Variants in PALM2AKAP2 observed in about 807,000 individuals in gnomAD.
The protein encoded by PALM2AKAP2 is PALM2 and AKAP2 fusion.
Under a neutral mutation model 71.5 loss-of-function variants are expected in PALM2AKAP2, and 37 were observed. That is an observed-to-expected ratio of 0.52 (90% CI 0.40 to 0.68). The LOEUF (loss-of-function observed/expected upper bound fraction) is 0.68. Among genes scored for constraint, PALM2AKAP2 ranks in the 30% least tolerant of loss-of-function variants. The pLI, the probability that PALM2AKAP2 is intolerant of heterozygous loss-of-function variation, is 0.00. For missense variants in PALM2AKAP2, 1,224 were observed against 1,191.8 expected, an observed-to-expected ratio of 1.03 and a Z score of -0.40; for synonymous variants, 468 against 478.8, an observed-to-expected ratio of 0.98 and a Z score of 0.29.
intron 3 of PALM2AKAP2, among the ~76,000 whole-genome samples, chr9:110,165,284 T>TCA (rs58758256): frequency 0.078 from 11,072 of 142,114 alleles, 378 homozygotes; most frequent in African/African-American, 0.1. Flanking sequence ...TGCTAGAGAT[T>TCA]CACACACACA....
chr9:109,860,372 G>A (rs899615364), intron 1 of PALM2AKAP2, among the ~76,000 whole-genome samples: 1 of 152,020 alleles, frequency 6.6e-6, no homozygotes, highest in African/African-American at 2.4e-5. Context: ...AGCTTGTTGG[G>A]TCCCCACTTG....
At chr9:110,107,493 C>G (rs1247906175) in intron 1 of PALM2AKAP2, among the ~76,000 whole-genome samples, 1 of 152,132 alleles carries the variant, frequency 6.6e-6, no homozygotes, top group Admixed American at 6.5e-5. Context: ...GTATCTTTTA[C>G]TTTCTTTAAG....
Position 109,878,821 on chromosome 9 carries a change from T to C in PALM2AKAP2, c.127-1730T>C, listed in dbSNP as rs1021144931. 1.8e-4 allele frequency among the ~76,000 whole-genome samples: 27 copies of C among 152,358 alleles called. 1 individual carries two copies. The highest frequency in any genetic ancestry group is 1.4e-3 in the Admixed American group (21 of 15,308). ...GGCATGATCTCAGCCCACTGCAACC[T>C]CTGCCCCCCAGGTTCTAGTGATTCT... On this transcript the variant is annotated intron_variant, in intron 2 of 9. Transcript: ENST00000302798.
chr9:110,108,402 C>T (rs566589298), intron 1 of PALM2AKAP2, among the ~76,000 whole-genome samples: 36 of 152,236 alleles, frequency 2.4e-4, no homozygotes, highest in Non-Finnish European at 4.9e-4. Flanking sequence ...CGTGAGCCAC[C>T]CCGCCTGGCT....
chr9:109,957,899 C>T (rs73539461), intron 6 of PALM2AKAP2, among the ~76,000 whole-genome samples: 2 of 152,116 alleles, frequency 1.3e-5, no homozygotes, highest in African/African-American at 2.4e-5. Flanking sequence ...GCAGTGAGTC[C>T]GGGCTATGAT....
chr9:109,862,998 G>A (rs565832476), intron 1 of PALM2AKAP2: 2 of 485,040 alleles, frequency 4.1e-6, no homozygotes, highest in South Asian at 1.5e-5. Flanking sequence ...GGCTATGCTA[G>A]GGAACCTGCT....
At chr9:110,049,816 C>G in intron 1 of PALM2AKAP2, among the ~76,000 whole-genome samples, 1 of 152,180 alleles carries the variant, frequency 6.6e-6, no homozygotes, top group East Asian at 1.9e-4. Context: ...GGAGCTGTGG[C>G]GCTGGTGGCC....
At chr9:109,784,778 A>G (rs1047031100) in intron 1 of PALM2AKAP2, among the ~76,000 whole-genome samples, 2 of 152,242 alleles carry the variant, frequency 1.3e-5, no homozygotes, top group African/African-American at 4.8e-5. Context: ...GCCACCCAAG[A>G]TGGCGGCAGC....
chr9:109,851,605 C>T (rs1209293202), intron 1 of PALM2AKAP2, among the ~76,000 whole-genome samples: 1 of 152,128 alleles, frequency 6.6e-6, no homozygotes, highest in Non-Finnish European at 1.5e-5. Context: ...GACTGCTCCC[C>T]ACTTTTGATG....
chr9:110,082,830 C>T (rs990449780), intron 1 of PALM2AKAP2, among the ~76,000 whole-genome samples: 4 of 152,156 alleles, frequency 2.6e-5, no homozygotes, highest in Non-Finnish European at 4.4e-5. Flanking sequence ...CAAACTGAAA[C>T]TCTGTACCCA....
At position 109,856,032 on chromosome 9, in the gene PALM2AKAP2, G is replaced by T. The variant is rs564117188; in HGVS notation, c.46-11459G>T. 3.3e-5 allele frequency among the ~76,000 whole-genome samples: 5 copies of T among 152,248 alleles called. No individual in the cohort carries two copies. The East Asian group carries it at 7.7e-4, about 24-fold the overall frequency. The stretch of plus-strand genomic sequence containing the variant: ...TGGGCCCTAAAGATATAGCTAACAA[G>T]AGGAAAAACTGTCAAAACTCTTATT... On this transcript the variant is annotated intron_variant, in intron 1 of 9. Coordinates refer to the PALM2AKAP2 transcript ENST00000302798.
chr9:109,863,578 G>A (rs953136631), intron 1 of PALM2AKAP2, among the ~76,000 whole-genome samples: 1 of 152,122 alleles, frequency 6.6e-6, no homozygotes, highest in Non-Finnish European at 1.5e-5. Flanking sequence ...AGAGTTACTG[G>A]TTTTGTCCTG....
At chr9:109,693,274 A>G (rs943938504) in intron 1 of PALM2AKAP2, among the ~76,000 whole-genome samples, 2 of 151,206 alleles carry the variant, frequency 1.3e-5, no homozygotes, top group African/African-American at 2.4e-5. Context: ...TTTTCTTGCA[A>G]TTCTCTCATT....
rs542180700 is a variant in PALM2AKAP2, at chr9:110,058,210, T to C, written c.156+9355T>C. Among the ~76,000 whole-genome samples the C allele has an allele frequency of 2.2e-4, 33 of 152,152 alleles. No homozygotes were observed. In the South Asian group the frequency reaches 6.7e-3, roughly 31 times the overall value. On this transcript the variant is annotated intron_variant, in intron 1 of 3. Coordinates refer to ENST00000374525, the Ensembl canonical transcript of PALM2AKAP2. ...CTCTAGGAAGTAGATCTTAAAGGAG[T>C]TGATACAAATTGCAGTGTGCTATGC... is the stretch of plus-strand genomic sequence containing the variant.
intron 3 of PALM2AKAP2, among the ~76,000 whole-genome samples, chr9:109,917,458 A>G (rs79423250): frequency 0.01 from 1,509 of 149,816 alleles, 32 homozygotes; most frequent in African/African-American, 0.035. Context: ...GGAAAGGCAA[A>G]TGTCACTTAA....
chr9:110,017,838 C>T (rs745851662), intron 7 of PALM2AKAP2, among the ~76,000 whole-genome samples: 4 of 151,702 alleles, frequency 2.6e-5, no homozygotes, highest in Non-Finnish European at 5.9e-5. Flanking sequence ...AGCAATTATC[C>T]TGCCTCAGCC....
intron 6 of PALM2AKAP2, among the ~76,000 whole-genome samples, chr9:109,996,786 C>T (rs1207005652): frequency 6.6e-6 from 1 of 152,226 alleles, no homozygotes; most frequent in Admixed American, 6.5e-5. Flanking sequence ...TGCACATGCA[C>T]ATGGGTGTGT....
chr9:109,647,496 G>A (rs1268316954), intron 1 of PALM2AKAP2, among the ~76,000 whole-genome samples: 2 of 152,198 alleles, frequency 1.3e-5, no homozygotes, highest in Admixed American at 1.3e-4. Context: ...TATGCACATT[G>A]TGAATTTTGT....
intron 6 of PALM2AKAP2, among the ~76,000 whole-genome samples, chr9:109,995,522 C>T (rs1247568687): frequency 1.3e-5 from 2 of 152,182 alleles, no homozygotes; most frequent in African/African-American, 2.4e-5. Flanking sequence ...TTCCACATGG[C>T]TAGGGAGGCC....
Sources: allele counts gnomAD v4.1 joint callset (sites outside exome capture counted in the v4.1 genomes callset), GRCh38; gene constraint gnomAD v4.1.1; transcripts MANE v1.5; gene names NCBI Gene and HGNC (gene_info 2026-07-23, HGNC 2026-07-21).